The following RAPGEF5 variants were observed in gnomAD, a reference collection of about 807,000 sequenced individuals.
The protein encoded by RAPGEF5 is M-Ras-regulated GEF.
In RAPGEF5, 65 loss-of-function variants were observed where a neutral mutation model predicts 125.2. The observed-to-expected ratio is 0.52, with a 90% confidence interval of 0.43 to 0.64. The LOEUF is 0.64. Among genes scored for constraint, RAPGEF5 ranks in the 30% least tolerant of loss-of-function variants. RAPGEF5 has a pLI of 0.00. For synonymous variants in RAPGEF5, 391 were observed against 385.9 expected, an observed-to-expected ratio of 1.01 and a Z score of -0.16; for missense variants, 958 against 1,048.1, an observed-to-expected ratio of 0.91 and a Z score of 1.19.
chr7:22,342,804 G>A (rs904463995), intron 1 of RAPGEF5, among the ~76,000 whole-genome samples: 1 of 152,134 alleles, frequency 6.6e-6, no homozygotes, highest in Non-Finnish European at 1.5e-5. Context: ...ACCTAAGCCT[G>A]GACTTTATTG....
chr7:22,125,220 T>G (rs1782698870), intron 25 of RAPGEF5: 1 of 162,700 alleles, frequency 6.1e-6, no homozygotes, highest in Non-Finnish European at 1.3e-5. Context: ...CCAGGAAGGC[T>G]CCACGCAAAG....
chr7:22,138,701 T>C (rs943292940), intron 21 of RAPGEF5, among the ~76,000 whole-genome samples: 7 of 152,268 alleles, frequency 4.6e-5, no homozygotes, highest in Admixed American at 6.5e-5. Flanking sequence ...AGTTCTCATG[T>C]AGCCATCTCC....
At chr7:22,199,052 G>C (rs569145194) in intron 9 of RAPGEF5, among the ~76,000 whole-genome samples, 2 of 152,314 alleles carry the variant, frequency 1.3e-5, no homozygotes, top group East Asian at 3.9e-4. Context: ...GCAATCTGTT[G>C]GTTGGTCAGG....
chr7:22,162,278 A>C, intron 13 of RAPGEF5, 119 bp downstream of exon 13: 1 of 1,077,466 alleles, frequency 9.3e-7, no homozygotes, highest in Non-Finnish European at 1.3e-6. Flanking sequence ...TCTGAATCAC[A>C]ACTTGACTAT....
intron 23 of RAPGEF5, 46 bp downstream of exon 23, chr7:22,135,992 T>G (rs778699510): frequency 6.8e-7 from 1 of 1,475,160 alleles, no homozygotes; most frequent in East Asian, 2.3e-5. Flanking sequence ...AGTAATAAAT[T>G]TCTGAAATAT....
intron 7 of RAPGEF5, among the ~76,000 whole-genome samples, chr7:22,258,476 T>C (rs928178227): frequency 2.0e-5 from 3 of 151,724 alleles, no homozygotes; most frequent in Non-Finnish European, 4.4e-5. Context: ...CAAAATTAGC[T>C]GGGCATGGTG....
At chr7:22,190,064 G>A (rs1035983337) in intron 11 of RAPGEF5, among the ~76,000 whole-genome samples, 6 of 152,122 alleles carry the variant, frequency 3.9e-5, no homozygotes, top group African/African-American at 9.7e-5. Context: ...GGTGGATCAC[G>A]AGATCAGGAG....
At chr7:22,132,052 A>C (rs2128100025) in intron 23 of RAPGEF5, among the ~76,000 whole-genome samples, 1 of 152,348 alleles carries the variant, frequency 6.6e-6, no homozygotes, top group Admixed American at 6.5e-5. Flanking sequence ...GAACCAACCA[A>C]ATAAAAACAG....
intron 11 of RAPGEF5, among the ~76,000 whole-genome samples, chr7:22,181,733 C>T (rs1457727146): frequency 1.3e-5 from 2 of 151,990 alleles, no homozygotes; most frequent in African/African-American, 4.8e-5. Context: ...CAAGTAGCAG[C>T]CTTAAGTACA....
At chr7:22,347,574 AC>A (rs1203881957) in intron 1 of RAPGEF5, among the ~76,000 whole-genome samples, 1 of 152,140 alleles carries the variant, frequency 6.6e-6, no homozygotes, top group East Asian at 1.9e-4. Context: ...AAAAAAAGAG[AC>A]TCTAATCAAG....
chr7:22,208,800 C>T (rs982762520), intron 9 of RAPGEF5, among the ~76,000 whole-genome samples: 3 of 152,188 alleles, frequency 2.0e-5, no homozygotes, highest in African/African-American at 7.2e-5. Flanking sequence ...CAGCAAGACA[C>T]TCTTTTGCTA....
intron 9 of RAPGEF5, among the ~76,000 whole-genome samples, chr7:22,206,683 C>T (rs1188087557): frequency 8.9e-6 from 1 of 112,892 alleles, no homozygotes; most frequent in Non-Finnish European, 1.8e-5. Context: ...AGACCCATGT[C>T]ACAAGAAAAA....
intron 7 of RAPGEF5, among the ~76,000 whole-genome samples, chr7:22,245,598 G>A (rs1786455783): frequency 6.6e-6 from 1 of 151,922 alleles, no homozygotes; most frequent in African/African-American, 2.4e-5. Context: ...CCATGTTGAA[G>A]GCACTAAGCC....
chr7:22,238,188 T>C (rs925383472), intron 7 of RAPGEF5, among the ~76,000 whole-genome samples: 32 of 152,234 alleles, frequency 2.1e-4, no homozygotes, highest in Non-Finnish European at 5.9e-5. Context: ...TGCCAACATT[T>C]GTTAAATATC....
At chr7:22,255,253 C>T (rs563184837) in intron 7 of RAPGEF5, among the ~76,000 whole-genome samples, 91 of 152,238 alleles carry the variant, frequency 6.0e-4, no homozygotes, top group Non-Finnish European at 1.1e-3. Flanking sequence ...TCTCTCTTAT[C>T]CGTTCTAGCC....
chr7:22,246,090 A>T (rs908871177), intron 7 of RAPGEF5, among the ~76,000 whole-genome samples: 1 of 152,160 alleles, frequency 6.6e-6, no homozygotes, highest in African/African-American at 2.4e-5. Context: ...TGACACACAC[A>T]CACACAAAAA....
intron 3 of RAPGEF5, 103 bp downstream of exon 3, chr7:22,315,267 C>G: frequency 7.4e-7 from 1 of 1,351,942 alleles, no homozygotes; most frequent in East Asian, 3.1e-5. Flanking sequence ...CCTCCTACTA[C>G]TGATATTGTC....
intron 5 of RAPGEF5, among the ~76,000 whole-genome samples, chr7:22,301,614 CAAAAAAAAAAAA>C (rs35404390): frequency 2.4e-5 from 2 of 83,798 alleles, no homozygotes; most frequent in African/African-American, 9.4e-5. Flanking sequence ...GACTCTGTCT[CAAAAAAAAAAAA>C]AAAAAAAAAA....
At chr7:22,320,797 T>G (rs548475922) in intron 1 of RAPGEF5, among the ~76,000 whole-genome samples, 2 of 152,282 alleles carry the variant, frequency 1.3e-5, no homozygotes, top group Admixed American at 1.3e-4. Context: ...CAAGATACCA[T>G]CCTTAATTTA....
Sources: gnomAD v4.1 joint callset for allele counts (sites outside exome capture counted in the v4.1 genomes callset) on GRCh38, gnomAD v4.1.1 for gene constraint, MANE v1.5 for transcripts, NCBI Gene and HGNC (gene_info 2026-07-23, HGNC 2026-07-21) for gene names.